C5orf63: variants seen among roughly 807,000 people sequenced by gnomAD.
C5orf63 encodes chromosome 5 open reading frame 63, also known as glutaredoxin-like protein C5orf63.
In C5orf63, 18 loss-of-function variants were observed where a neutral mutation model predicts 13.3. That is an observed-to-expected ratio of 1.36 (90% CI 0.94 to 2.01). The LOEUF (loss-of-function observed/expected upper bound fraction) is 2.01, where lower values mean the gene tolerates loss of function less well. Ranked by LOEUF, C5orf63 falls within the 30% of genes most tolerant of loss-of-function variation. The pLI, the probability that C5orf63 is intolerant of heterozygous loss-of-function variation, is 0.00. For synonymous variants in C5orf63, 38 were observed against 44.7 expected (o/e 0.85, Z 0.60); for missense variants, 118 against 127.7 (o/e 0.92, Z 0.36).
At chr5:127,072,228 G>C (rs907108467) in intron 1 of C5orf63, 1 of 152,160 alleles carries the variant, frequency 6.6e-6, no homozygotes, top group Non-Finnish European at 1.5e-5. Context: ...GCAGGTTATT[G>C]GGCTACGATA....
intron 3 of C5orf63, among the ~76,000 whole-genome samples, chr5:127,055,732 C>CA (rs1343254086): frequency 6.0e-5 from 9 of 150,896 alleles, no homozygotes; most frequent in Non-Finnish European, 8.9e-5. Context: ...ATCTTAAAAG[C>CA]AAAAAAAACC....
chr5:127,059,624 A>G (rs944093762), intron 2 of C5orf63, among the ~76,000 whole-genome samples: 1 of 151,382 alleles, frequency 6.6e-6, no homozygotes, highest in African/African-American at 2.4e-5. Context: ...GCTACTCAGG[A>G]GGCTGAGGTT....
intron 2 of C5orf63, among the ~76,000 whole-genome samples, chr5:127,064,731 C>T (rs1456780178): frequency 7.2e-5 from 11 of 152,184 alleles, no homozygotes; most frequent in Non-Finnish European, 1.2e-4. Flanking sequence ...GGGACAAAAA[C>T]TCTTTATTTC....
downstream of C5orf63, chr5:127,043,130 T>C (rs1753442945): frequency 6.6e-6 from 1 of 152,216 alleles, no homozygotes; most frequent in Non-Finnish European, 1.5e-5. Context: ...CAGTAATGTA[T>C]TTTTCATGTA....
chr5:127,047,826 C>A (rs569298577), downstream of C5orf63: 3 of 703,744 alleles, frequency 4.3e-6, no homozygotes, highest in Non-Finnish European at 7.8e-6. Context: ...TGTATCTTTT[C>A]CCCGACTGAG....
intron 2 of C5orf63, among the ~76,000 whole-genome samples, chr5:127,066,401 G>C (rs1478606288): frequency 6.6e-6 from 1 of 152,116 alleles, no homozygotes; most frequent in Non-Finnish European, 1.5e-5. Flanking sequence ...GAAGGCTACT[G>C]CATTAGTTTG....
At chr5:127,067,199 A>G (rs999425428) in intron 2 of C5orf63, among the ~76,000 whole-genome samples, 2 of 152,200 alleles carry the variant, frequency 1.3e-5, no homozygotes, top group Non-Finnish European at 2.9e-5. Context: ...GGGTATCTTA[A>G]AAAGAGATGA....
At chr5:127,053,710 T>G (rs1388583157) in intron 3 of C5orf63, among the ~76,000 whole-genome samples, 10 of 152,238 alleles carry the variant, frequency 6.6e-5, no homozygotes, top group Non-Finnish European at 1.5e-5. Flanking sequence ...TGCGACAGTT[T>G]GCTCCAAATG....
chr5:127,060,261 A>C (rs1253484306), intron 2 of C5orf63, among the ~76,000 whole-genome samples: 2 of 152,218 alleles, frequency 1.3e-5, no homozygotes, highest in Non-Finnish European at 2.9e-5. Context: ...GTGTTTCAAA[A>C]GGAGATCATC....
rs542363503 is a variant in C5orf63, at chr5:127,071,955, A to T, written c.-109-270T>A. 5 of 152,364 alleles carry T rather than the reference A, an allele frequency of 3.3e-5. No individual in the cohort carries two copies. In the East Asian group the frequency reaches 9.6e-4, roughly 29 times the overall value. 9.4% of individuals were successfully genotyped at this position (152,364 alleles called of 1,614,324 possible). On this transcript the variant is annotated intron_variant, in intron 1 of 4. Coordinates refer to ENST00000296662, the MANE Select transcript of C5orf63 (RefSeq NM_001164478.2). The stretch of plus-strand genomic sequence containing the variant: ...TGGAACAAAATAGAAACACAGTCCA[A>T]TCAACTCCCAAGTTGGAAAAATCCT...
At chr5:127,059,586 G>A (rs1449592170) in intron 2 of C5orf63, among the ~76,000 whole-genome samples, 1 of 151,862 alleles carries the variant, frequency 6.6e-6, no homozygotes, top group Non-Finnish European at 1.5e-5. Context: ...AAATTAGCTG[G>A]GTGTGGTGGT....
At chr5:127,068,318 A>G (rs1754403767) in intron 2 of C5orf63, among the ~76,000 whole-genome samples, 1 of 152,196 alleles carries the variant, frequency 6.6e-6, no homozygotes, top group African/African-American at 2.4e-5. Context: ...ATAGCCCCTT[A>G]AAGAGGACTC....
chr5:127,069,037 C>T lies in C5orf63; in HGVS notation c.-8+2547G>A, dbSNP rs116133696. 5.6e-3 allele frequency among the ~76,000 whole-genome samples: 853 copies of T among 152,230 alleles called. 8 individuals are homozygous for T. Among genetic ancestry groups the T allele is most frequent in the African/African-American group, 0.02 (827 of 41,518 alleles). On this transcript the variant is annotated intron_variant, in intron 2 of 4. Coordinates refer to ENST00000296662, the MANE Select transcript of C5orf63 (RefSeq NM_001164478.2). ...CAGCATATTCCAAATTCAGAGTGTG[C>T]AACAATGCTCGGTTCAATTATGACA...
chr5:127,067,876 T>G (rs1754388103), intron 2 of C5orf63, among the ~76,000 whole-genome samples: 1 of 151,910 alleles, frequency 6.6e-6, no homozygotes, highest in African/African-American at 2.4e-5. Flanking sequence ...TCTAGAGAGG[T>G]CAAAATAAAT....
At chr5:127,062,651 C>A (rs1754152221) in intron 2 of C5orf63, among the ~76,000 whole-genome samples, 1 of 152,148 alleles carries the variant, frequency 6.6e-6, no homozygotes, top group Non-Finnish European at 1.5e-5. Context: ...ACTCTGTAAA[C>A]CCTAACACCA....
At chr5:127,049,367 T>C (rs1343211770), downstream of C5orf63, among the ~76,000 whole-genome samples, 2 of 152,168 alleles carry the variant, frequency 1.3e-5, no homozygotes, top group Non-Finnish European at 2.9e-5. Flanking sequence ...CACACCCTCA[T>C]ATTTTACATA....
chr5:127,054,819 T>G (rs2126885239), intron 3 of C5orf63, among the ~76,000 whole-genome samples: 1 of 152,356 alleles, frequency 6.6e-6, no homozygotes, highest in African/African-American at 2.4e-5. Context: ...CCCATGCCTA[T>G]GTCCTGAATG....
At chr5:127,047,549 T>C, downstream of C5orf63, 2 of 586,268 alleles carry the variant, frequency 3.4e-6, no homozygotes, top group Admixed American at 3.1e-5. Flanking sequence ...AGTAAGTTTA[T>C]TGAAGAGCTA....
chr5:127,070,889 T>A (rs767606035), intron 2 of C5orf63, among the ~76,000 whole-genome samples: 1 of 152,164 alleles, frequency 6.6e-6, no homozygotes, highest in Non-Finnish European at 1.5e-5. Context: ...TTGAGGAGCA[T>A]CTAATGTATT....
Sources: gnomAD v4.1 joint callset for allele counts (sites outside exome capture counted in the v4.1 genomes callset) on GRCh38, gnomAD v4.1.1 for gene constraint, MANE v1.5 for transcripts, NCBI Gene and HGNC (gene_info 2026-07-23, HGNC 2026-07-21) for gene names.